SLC30A7: variants seen among roughly 807,000 people sequenced by gnomAD.
The protein encoded by SLC30A7 is zinc transporter 7.
In SLC30A7, 35 loss-of-function variants were observed where a neutral mutation model predicts 46.0. The observed-to-expected ratio is 0.76, with a 90% CI of 0.58 to 1.01. The LOEUF is 1.01. Ranked by LOEUF, SLC30A7 falls within the 50% of genes least tolerant of loss-of-function variation. The probability of loss-of-function intolerance (pLI) is 0.00; values close to 1 mark genes in which losing one functional copy is unlikely to be tolerated. For missense variants in SLC30A7, 464 were observed against 451.1 expected, an observed-to-expected ratio of 1.03 and a Z score of -0.26; for synonymous variants, 147 against 157.8, an observed-to-expected ratio of 0.93 and a Z score of 0.51.
chr1:100,950,056 A>G (rs1015088982), intron 8 of SLC30A7, among the ~76,000 whole-genome samples: 3 of 152,200 alleles, frequency 2.0e-5, no homozygotes, highest in East Asian at 3.8e-4. Context: ...TGAACCAGGT[A>G]CTTCAGTTGG....
intron 6 of SLC30A7, 97 bp downstream of exon 6, chr1:100,913,903 A>C: frequency 2.0e-6 from 3 of 1,487,526 alleles, no homozygotes; most frequent in Admixed American, 2.3e-5. Flanking sequence ...AAAGATACCA[A>C]ATCAACTTCT....
Position 100,896,621 on chromosome 1 carries a change from G to A in SLC30A7, c.132G>A (p.Leu44=), listed in dbSNP as rs771399847. 2 of 1,614,142 alleles carry A rather than the reference G, an allele frequency of 1.2e-6. No homozygotes were observed. The highest frequency in any genetic ancestry group is 2.2e-5 in the South Asian group (2 of 91,080). Residue 44 remains leucine, a synonymous_variant, in exon 2 of 11, where the codon CTG becomes CTA. Coordinates refer to ENST00000357650, the MANE Select transcript of SLC30A7 (RefSeq NM_133496.5). Reference sequence around the variant, plus strand: ...GGAACCTGTTTTTCTTCCTGTGCCTGAACCTCTCTTTCGCTTTTGTGGAAC... The same window carrying A: ...GGAACCTGTTTTTCTTCCTGTGCCTAAACCTCTCTTTCGCTTTTGTGGAAC... ...TSRNLFFFLC[L]NLSFAFVELL... is the part of the protein sequence containing the mutation.
chr1:100,961,790 A>AT, intron 8 of SLC30A7, 38 bp from the exon 9 acceptor site: 1 of 1,304,312 alleles, frequency 7.7e-7, no homozygotes, highest in Non-Finnish European at 1.1e-6. Flanking sequence ...GATTAGCAGA[A>AT]TGTGACTTTA....
At position 100,977,379 on chromosome 1, in the gene SLC30A7, G is replaced by A. The variant is rs1485358234; in HGVS notation, c.*2522G>A. The A allele has an allele frequency of 6.6e-6, 1 of 152,182 alleles. No individual in the cohort carries two copies. Among genetic ancestry groups the A allele is most frequent in the African/African-American group, 2.4e-5 (1 of 41,446 alleles). The allele number at this position is 152,182 out of a possible 1,614,324, so 9.4% of individuals were successfully genotyped here. A position where few individuals can be genotyped will look rare whatever the true frequency, so the allele number is the denominator to read the frequency against. On this transcript the variant is annotated 3_prime_UTR_variant, in exon 11 of 11. Transcript: ENST00000357650. ...TTAGCAAGTTGGCATTAACATTTAT[G>A]CTTTAATTAAATGCCAGTATACCTA...
intron 8 of SLC30A7, among the ~76,000 whole-genome samples, chr1:100,937,228 T>C (rs1654022119): frequency 6.6e-6 from 1 of 152,228 alleles, no homozygotes; most frequent in African/African-American, 2.4e-5. Context: ...CAAATTTGTG[T>C]CAATAATTCA....
chr1:100,939,803 C>T (rs749280043), intron 8 of SLC30A7, among the ~76,000 whole-genome samples: 3 of 150,400 alleles, frequency 2.0e-5, no homozygotes, highest in African/African-American at 4.9e-5. Flanking sequence ...GAGCTGAGAT[C>T]GTGCCACTGC....
chr1:100,915,189 T>TCCCTTCCTCCC lies in SLC30A7; in HGVS notation c.655+1383_655+1384insCCCTTCCTCCC, dbSNP rs1216720657. Reference sequence around the variant, plus strand: ...TTCTTTTCTTTTTTCTTTTCTTTTCTTTCTTTTCTTTCTTTCTTTCTTTCT... The same window carrying TCCCTTCCTCCC: ...TTCTTTTCTTTTTTCTTTTCTTTTCTCCCTTCCTCCCTTCTTTTCTTTCTTTCTTTCTTTCT... On this transcript the variant is annotated intron_variant, in intron 6 of 10. Transcript: ENST00000357650. Among the ~76,000 whole-genome samples the TCCCTTCCTCCC allele has an allele frequency of 9.6e-3, 792 of 82,526 alleles. 6 individuals carry two copies. Among genetic ancestry groups the TCCCTTCCTCCC allele is most frequent in the Non-Finnish European group, 0.012 (479 of 38,700 alleles). The allele number at this position is 82,526 out of a possible 152,430, so 54.1% of individuals were successfully genotyped here.
intron 8 of SLC30A7, among the ~76,000 whole-genome samples, chr1:100,956,711 C>T (rs1221831226): frequency 2.0e-5 from 3 of 152,180 alleles, no homozygotes; most frequent in African/African-American, 7.2e-5. Flanking sequence ...AATGTTATTT[C>T]TCATACTGTA....
At chr1:100,957,976 G>A (rs909457694) in intron 8 of SLC30A7, among the ~76,000 whole-genome samples, 1 of 152,024 alleles carries the variant, frequency 6.6e-6, no homozygotes, top group Non-Finnish European at 1.5e-5. Context: ...GAAGTCTTCA[G>A]CTATTTAATA....
intron 8 of SLC30A7, among the ~76,000 whole-genome samples, chr1:100,937,035 C>A (rs951957938): frequency 7.2e-5 from 11 of 152,104 alleles, no homozygotes; most frequent in African/African-American, 2.7e-4. Context: ...GTATCTATAT[C>A]TATATCTATG....
rs67182429 is a variant in SLC30A7 at position 100,979,436 on chromosome 1, C to CAAAAAAAAAAAAAAAAAAAAAAAAAAA, written c.*4601_*4602insAAAAAAAAAAAAAAAAAAAAAAAAAAA. On this transcript the variant is annotated 3_prime_UTR_variant, in exon 11 of 11. Transcript: ENST00000357650. ...CAAATACAGTGAAAGATTATGTATCCAAAAAAAAAAAAAAAAAAAAAAGAA... is the reference window on the plus strand; with the variant it reads ...CAAATACAGTGAAAGATTATGTATCCAAAAAAAAAAAAAAAAAAAAAAAAAAAAAAAAAAAAAAAAAAAAAAAAAGAA... 4 of 90,580 alleles carry CAAAAAAAAAAAAAAAAAAAAAAAAAAA rather than the reference C, an allele frequency of 4.4e-5. No individual in the cohort carries two copies. Among genetic ancestry groups the CAAAAAAAAAAAAAAAAAAAAAAAAAAA allele is most frequent in the Non-Finnish European group, 8.8e-5 (4 of 45,638 alleles). 5.6% of individuals were successfully genotyped at this position (90,580 alleles called of 1,614,324 possible).
Position 100,964,284 on chromosome 1 carries a change from T to TATAGGTTATATAACCTATAAC in SLC30A7, c.934-1482_934-1481insGGTTATATAACCTATAACATA, listed in dbSNP as rs1558007210. Among the ~76,000 whole-genome samples, 36 of 142,644 alleles carry TATAGGTTATATAACCTATAAC rather than the reference T, an allele frequency of 2.5e-4. 1 individual carries two copies. The highest frequency in any genetic ancestry group is 7.7e-4 in the African/African-American group (31 of 40,058). 93.6% of individuals were successfully genotyped at this position (142,644 alleles called of 152,430 possible). A position where few individuals can be genotyped will look rare whatever the true frequency, so the allele number is the denominator to read the frequency against. ...AATATATGTTATATAACCTATAACATATATGTTATATAACTTATGTAACCT... is the reference window on the plus strand; with the variant it reads ...AATATATGTTATATAACCTATAACATATAGGTTATATAACCTATAACATATGTTATATAACTTATGTAACCT... On this transcript the variant is annotated intron_variant, in intron 9 of 10. Transcript: ENST00000357650.
intron 6 of SLC30A7, among the ~76,000 whole-genome samples, chr1:100,917,836 T>C (rs776074333): frequency 2.0e-5 from 3 of 152,214 alleles, no homozygotes; most frequent in Non-Finnish European, 2.9e-5. Context: ...TCCTGTGCTT[T>C]TAATCTTTTT....
intron 10 of SLC30A7, among the ~76,000 whole-genome samples, chr1:100,971,841 CTA>C (rs1437448758): frequency 6.6e-6 from 1 of 152,124 alleles, no homozygotes; most frequent in African/African-American, 2.4e-5. Context: ...AAATAATTTT[CTA>C]TAGTCATATT....
Position 100,905,164 on chromosome 1 carries a change from C to G in SLC30A7, c.183-1688C>G, listed in dbSNP as rs75827472. 9.6e-3 allele frequency among the ~76,000 whole-genome samples: 1,465 copies of G among 152,114 alleles called. 19 individuals are homozygous for G. The highest frequency in any genetic ancestry group is 0.034 in the African/African-American group (1,397 of 41,508). On this transcript the variant is annotated intron_variant, in intron 2 of 10. Coordinates refer to ENST00000357650, the MANE Select transcript of SLC30A7 (RefSeq NM_133496.5). ...TGATTTTCTTATTCCATTCTGTGTG[C>G]TATTATTGTCATACCTTAGGTTGTT...
At chr1:100,983,596 G>A (rs910724638), downstream of SLC30A7, among the ~76,000 whole-genome samples, 1 of 152,186 alleles carries the variant, frequency 6.6e-6, no homozygotes, top group Non-Finnish European at 1.5e-5. Flanking sequence ...TTTGAAAAGT[G>A]ATTCTGTATG....
rs546675569 is a variant in SLC30A7, at chr1:100,980,608, T to C, written c.*5751T>C. On this transcript the variant is annotated 3_prime_UTR_variant, in exon 11 of 11. Transcript: ENST00000357650. ...AATTTACTGTTTTTTACAGAAGACA[T>C]CTCAGCATTTCTTTGGCATTTTTGC... 6.6e-4 allele frequency: 101 copies of C among 152,056 alleles called. No homozygotes were observed. The highest frequency in any genetic ancestry group is 2.4e-3 in the African/African-American group (99 of 41,518). 9.4% of individuals were successfully genotyped at this position (152,056 alleles called of 1,614,324 possible).
At chr1:100,911,238 C>G (rs1306742898) in intron 4 of SLC30A7, 88 bp downstream of exon 4, 5 of 863,048 alleles carry the variant, frequency 5.8e-6, no homozygotes, top group South Asian at 5.3e-5. Context: ...TTTTTTTCAA[C>G]TATTATTAAA....
At position 100,976,913 on chromosome 1, in the gene SLC30A7, G is replaced by GTAGTT. The variant is rs1212426649; in HGVS notation, c.*2060_*2061insTTAGT. The GTAGTT allele has an allele frequency of 1.3e-5, 2 of 152,540 alleles. No homozygotes were observed. Among genetic ancestry groups the GTAGTT allele is most frequent in the African/African-American group, 4.8e-5 (2 of 41,414 alleles). The allele number at this position is 152,540 out of a possible 1,614,324, so 9.4% of individuals were successfully genotyped here. A position where few individuals can be genotyped will look rare whatever the true frequency, so the allele number is the denominator to read the frequency against. On this transcript the variant is annotated 3_prime_UTR_variant, in exon 11 of 11. Coordinates refer to ENST00000357650, the MANE Select transcript of SLC30A7 (RefSeq NM_133496.5). ...GGTTTGAAATCTATGATTTACTGCA[G>GTAGTT]TAGTATGTGCTTAAAACAACTGTTG...
Sources: gnomAD v4.1 joint callset for allele counts (sites outside exome capture counted in the v4.1 genomes callset) on GRCh38, gnomAD v4.1.1 for gene constraint, MANE v1.5 for transcripts, NCBI Gene and HGNC (gene_info 2026-07-23, HGNC 2026-07-21) for gene names.